The following RAB1A variants were observed in gnomAD, a reference collection of about 807,000 sequenced individuals.
The protein encoded by RAB1A is RAB1A, member RAS oncogene family.
In RAB1A, 2 loss-of-function variants were observed where a neutral mutation model predicts 26.0. That is an observed-to-expected ratio of 0.08 (90% confidence interval 0.03 to 0.24). The LOEUF (loss-of-function observed/expected upper bound fraction) is 0.24, where lower values mean the gene tolerates loss of function less well. RAB1A is among the 10% of genes least tolerant of loss of function. RAB1A has a pLI of 1.00. For synonymous variants in RAB1A, 84 were observed against 84.9 expected, an observed-to-expected ratio of 0.99 and a Z score of 0.06; for missense variants, 100 against 247.0, an observed-to-expected ratio of 0.40 and a Z score of 3.99.
At chr2:65,127,027 G>C (rs960384639) in intron 1 of RAB1A, among the ~76,000 whole-genome samples, 2 of 152,034 alleles carry the variant, frequency 1.3e-5, no homozygotes, top group African/African-American at 4.8e-5. Context: ...CTTTTGCAAA[G>C]GTTTTCTCAA....
rs1558588148 is a variant in RAB1A at position 65,122,154 on chromosome 2, T to TTAAAAAA, written c.23+7738_23+7739insTTTTTTA. Among the ~76,000 whole-genome samples, 37 of 115,800 alleles carry TTAAAAAA rather than the reference T, an allele frequency of 3.2e-4. 2 individuals are homozygous for TTAAAAAA. The highest frequency in any genetic ancestry group is 1.3e-3 in the African/African-American group (35 of 26,766). 76.0% of individuals were successfully genotyped at this position (115,800 alleles called of 152,430 possible). A position where few individuals can be genotyped will look rare whatever the true frequency, so the allele number is the denominator to read the frequency against. On this transcript the variant is annotated intron_variant, in intron 1 of 5. Coordinates refer to ENST00000409784, the MANE Select transcript of RAB1A (RefSeq NM_004161.5). ...CTGGGTGACAGAGCAAGACTCTATC[T>TTAAAAAA]CAAAAAAAAAAAAAAAAAAAAAAAA...
At chr2:65,118,341 T>C (rs1284794747) in intron 1 of RAB1A, among the ~76,000 whole-genome samples, 1 of 152,192 alleles carries the variant, frequency 6.6e-6, no homozygotes, top group Admixed American at 6.5e-5. Flanking sequence ...TGTTTGAACA[T>C]GAGTCATTTT....
chr2:65,126,406 G>A (rs1326904807), intron 1 of RAB1A, among the ~76,000 whole-genome samples: 7 of 151,182 alleles, frequency 4.6e-5, no homozygotes, highest in African/African-American at 1.5e-4. Flanking sequence ...ACTTTGGGAG[G>A]CCAAGGCCCG....
chr2:65,105,511 C>CAAAAAAAAAAAAAAA (rs60594101), intron 1 of RAB1A: 2 of 33,008 alleles, frequency 6.1e-5, no homozygotes, highest in African/African-American at 2.1e-4. Context: ...AACTCTGTCT[C>CAAAAAAAAAAAAAAA]AAAAAAAAAA....
At chr2:65,118,499 A>G (rs1019058345) in intron 1 of RAB1A, among the ~76,000 whole-genome samples, 2 of 152,060 alleles carry the variant, frequency 1.3e-5, no homozygotes, top group African/African-American at 4.8e-5. Context: ...TTTTTTTGAG[A>G]CAGAGTTTTG....
At chr2:65,129,803 C>T (rs1276162681) in intron 1 of RAB1A, 90 bp downstream of exon 1, 12 of 1,542,644 alleles carry the variant, frequency 7.8e-6, no homozygotes, top group Non-Finnish European at 1.1e-5. Flanking sequence ...CCAGCCGATG[C>T]CCCGACTTCT....
intron 1 of RAB1A, among the ~76,000 whole-genome samples, chr2:65,119,812 CTG>C (rs1160787483): frequency 1.9e-5 from 2 of 105,128 alleles, no homozygotes; most frequent in Non-Finnish European, 3.5e-5. Context: ...AGAGACAAGC[CTG>C]GGTAACATGG....
intron 1 of RAB1A, among the ~76,000 whole-genome samples, chr2:65,105,173 C>A (rs1669524456): frequency 6.6e-6 from 1 of 152,118 alleles, no homozygotes; most frequent in Admixed American, 6.5e-5. Context: ...GGTAACTTTT[C>A]ATTGTTTTTG....
rs945803301 is a variant in RAB1A at position 65,130,024 on chromosome 2, G to A, written c.-109C>T. The A allele has an allele frequency of 6.7e-5, 85 of 1,264,788 alleles. No homozygotes were observed. Among genetic ancestry groups the A allele is most frequent in the Middle Eastern group, 5.5e-4 (3 of 5,496 alleles). The allele number at this position is 1,264,788 out of a possible 1,614,324, so 78.3% of individuals were successfully genotyped here. A position where few individuals can be genotyped will look rare whatever the true frequency, so the allele number is the denominator to read the frequency against. ...GAAAGGAATGAGATAGGCTGTTCCG[G>A]GAGAGCAAACGTCTTCCCCTACTCC... On this transcript the variant is annotated 5_prime_UTR_variant, in exon 1 of 6. Coordinates refer to ENST00000409784, the MANE Select transcript of RAB1A (RefSeq NM_004161.5).
intron 1 of RAB1A, among the ~76,000 whole-genome samples, chr2:65,108,056 C>CA (rs59507384): frequency 0.59 from 74,388 of 126,954 alleles, 21,615 homozygotes; most frequent in Non-Finnish European, 0.66. Flanking sequence ...AGAGGAGTCT[C>CA]AAAAAAAAAA....
At chr2:65,108,905 G>A (rs1345016401) in intron 1 of RAB1A, among the ~76,000 whole-genome samples, 1 of 152,130 alleles carries the variant, frequency 6.6e-6, no homozygotes, top group African/African-American at 2.4e-5. Flanking sequence ...CTCTGTATAA[G>A]ACAATCTTTG....
chr2:65,111,349 G>A (rs551630048), intron 1 of RAB1A, among the ~76,000 whole-genome samples: 2 of 147,428 alleles, frequency 1.4e-5, no homozygotes, highest in African/African-American at 2.5e-5. Context: ...GCGACAGAAC[G>A]AGACACCATC....
intron 3 of RAB1A, among the ~76,000 whole-genome samples, chr2:65,096,268 T>G (rs1669281746): frequency 6.6e-6 from 1 of 152,062 alleles, no homozygotes; most frequent in Non-Finnish European, 1.5e-5. Flanking sequence ...TGAGCTCAAA[T>G]CGCGCCACTG....
At chr2:65,117,933 G>C (rs1669863206) in intron 1 of RAB1A, among the ~76,000 whole-genome samples, 1 of 152,238 alleles carries the variant, frequency 6.6e-6, no homozygotes, top group Non-Finnish European at 1.5e-5. Context: ...ATTTGTTGTA[G>C]TGGGACATCC....
chr2:65,106,585 G>A (rs903501506), intron 1 of RAB1A, among the ~76,000 whole-genome samples: 5 of 147,130 alleles, frequency 3.4e-5, no homozygotes, highest in Admixed American at 1.4e-4. Context: ...AATTATATAT[G>A]AGGAAAATAA....
intron 1 of RAB1A, among the ~76,000 whole-genome samples, chr2:65,110,381 C>G (rs948074915): frequency 7.0e-6 from 1 of 142,212 alleles, no homozygotes; most frequent in African/African-American, 2.6e-5. Context: ...GTGGAGGTTG[C>G]AGTGAGAAGA....
At chr2:65,128,035 A>G (rs925117877) in intron 1 of RAB1A, among the ~76,000 whole-genome samples, 6 of 152,114 alleles carry the variant, frequency 3.9e-5, no homozygotes, top group African/African-American at 1.4e-4. Context: ...CGCCTGGCCT[A>G]TATCTAAACT....
chr2:65,088,520 G>T lies in RAB1A; in HGVS notation c.591C>A (p.Val197=). The change falls in exon 6 of 6, where the codon GTC becomes GTA. Residue 197 remains valine (V), a synonymous_variant. Coordinates refer to ENST00000409784, the MANE Select transcript of RAB1A (RefSeq NM_004161.5). ...AGCAGCAACCTCCACCTGACTGCTT[G>T]ACTGGAGTGCTCTGAATTTTAACAT... The part of the protein sequence containing the change: ...KSNVKIQSTP[V]KQSGGGCC 6.2e-7 allele frequency: 1 copy of T among 1,611,748 alleles called. No homozygotes were observed. The highest frequency in any genetic ancestry group is 1.7e-5 in the Admixed American group (1 of 59,644).
chr2:65,109,709 C>CAGA (rs534611916), intron 1 of RAB1A, among the ~76,000 whole-genome samples: 1 of 125,216 alleles, frequency 8.0e-6, no homozygotes, highest in Non-Finnish European at 1.7e-5. Context: ...GACTCCATCT[C>CAGA]AAAAAAAAAA....
Sources: gnomAD v4.1 joint callset for allele counts (sites outside exome capture counted in the v4.1 genomes callset) on GRCh38, gnomAD v4.1.1 for gene constraint, MANE v1.5 for transcripts, NCBI Gene and HGNC (gene_info 2026-07-23, HGNC 2026-07-21) for gene names.